The following ZNF597 variants were observed in gnomAD, a reference collection of about 807,000 sequenced individuals.
ZNF597 encodes the protein zinc finger protein 597.
In ZNF597, 5 loss-of-function variants were observed where a neutral mutation model predicts 7.3. The ratio of observed to expected loss-of-function variants is 0.68; its 90% CI spans 0.36 to 1.44. ZNF597 has a LOEUF of 1.44. ZNF597 is among the 40% of genes most tolerant of loss of function. The pLI is 0.04. For synonymous variants in ZNF597, 209 were observed against 185.4 expected, an observed-to-expected ratio of 1.13 and a Z score of -1.04; for missense variants, 585 against 517.9, an observed-to-expected ratio of 1.13 and a Z score of -1.26.
At chr16:3,441,556 C>G (rs2034370702) in intron 2 of ZNF597, among the ~76,000 whole-genome samples, 1 of 152,092 alleles carries the variant, frequency 6.6e-6, no homozygotes, top group Non-Finnish European at 1.5e-5. Flanking sequence ...TGTGGTGGCG[C>G]ATGCCTATAA....
rs569565335 is a variant in ZNF597, at chr16:3,435,626, T to A, written c.*798A>T. On this transcript the variant is annotated 3_prime_UTR_variant, in exon 4 of 4. Transcript: ENST00000301744. ...CATAATATATCTAAAGTAGCTAGCA[T>A]GCTCACTGAGAAACAATTACAATTA... 1 of 152,336 alleles carries A rather than the reference T, an allele frequency of 6.6e-6. No individual in the cohort carries two copies. The highest frequency in any genetic ancestry group is 2.1e-4 in the South Asian group (1 of 4,830). The allele number at this position is 152,336 out of a possible 1,614,324, so 9.4% of individuals were successfully genotyped here.
intron 3 of ZNF597, among the ~76,000 whole-genome samples, chr16:3,439,775 C>G (rs1292755867): frequency 6.6e-6 from 1 of 151,956 alleles, no homozygotes; most frequent in Non-Finnish European, 1.5e-5. Flanking sequence ...CCAAAATTTA[C>G]CCAGGAAGTA....
chr16:3,437,684 GA>G (rs780268308), intron 3 of ZNF597, 146 bp from the exon 4 acceptor site: 266 of 1,316,008 alleles, frequency 2.0e-4, no homozygotes, highest in Middle Eastern at 5.3e-4. Context: ...ACAAAATCAG[GA>G]CCAAGCAGAC....
Position 3,437,541 on chromosome 16 carries a change from G to A in ZNF597, c.161-3C>T. On this transcript the variant is annotated splice_polypyrimidine_tract_variant and splice_region_variant and intron_variant, in intron 3 of 3. Transcript: ENST00000301744. ...AATCTCAGGCTTGCCTTCCTCTCCT[G>A]TTGATAAAAACAAAAGAAAGCAAAA... is the stretch of plus-strand genomic sequence containing the variant. 12 of 1,580,794 alleles carry A rather than the reference G, an allele frequency of 7.6e-6. No individual in the cohort carries two copies. Among genetic ancestry groups the A allele is most frequent in the Non-Finnish European group, 1.0e-5 (12 of 1,167,722 alleles).
In ZNF597 at chr16:3,437,510, C is replaced by A; in HGVS notation, c.189G>T (p.Gln63His). ...MGEEGKPEIN[Q>H]QLSLESMELD... Reference sequence around the variant, plus strand: ...GTTCCATAGACTCTAGGCTTAACTGCTGATTAATCTCAGGCTTGCCTTCCT... The same window carrying A: ...GTTCCATAGACTCTAGGCTTAACTGATGATTAATCTCAGGCTTGCCTTCCT... The change falls in exon 4 of 4, where the codon CAG becomes CAT. Residue 63 changes from glutamine to histidine, a missense_variant. Gln to His is a conservative substitution (Grantham distance 24, BLOSUM62 0). Transcript: ENST00000301744. 6.2e-7 allele frequency: 1 copy of A among 1,601,476 alleles called. No homozygotes were observed. The highest frequency in any genetic ancestry group is 8.5e-7 in the Non-Finnish European group (1 of 1,175,578).
At chr16:3,439,912 C>T (rs374318465) in intron 3 of ZNF597, among the ~76,000 whole-genome samples, 1 of 152,042 alleles carries the variant, frequency 6.6e-6, no homozygotes, top group African/African-American at 2.4e-5. Flanking sequence ...AAATATACTC[C>T]ATACATTTAC....
intron 3 of ZNF597, among the ~76,000 whole-genome samples, chr16:3,438,468 CAGG>C (rs1490143152): frequency 2.0e-5 from 3 of 151,510 alleles, no homozygotes; most frequent in Admixed American, 1.3e-4. Flanking sequence ...GAGGCTGAGG[CAGG>C]AGAATGGCGT....
chr16:3,437,009 G>A lies in ZNF597; in HGVS notation c.690C>T (p.His230=). The A allele has an allele frequency of 6.2e-7, 1 of 1,614,196 alleles. No individual in the cohort carries two copies. The highest frequency in any genetic ancestry group is 8.5e-7 in the Non-Finnish European group (1 of 1,180,040). ...SFRQHSHLSR[H]MNSHVKEKPY... ...GCTTCTCCTTTACGTGGCTATTCATGTGTCGGGATAGATGAGAGTGCTGGC... is the reference window on the plus strand; with the variant it reads ...GCTTCTCCTTTACGTGGCTATTCATATGTCGGGATAGATGAGAGTGCTGGC... Residue 230 remains histidine (H), a synonymous_variant, in exon 4 of 4, where the codon CAC becomes CAT. Coordinates refer to ENST00000301744, the MANE Select transcript of ZNF597 (RefSeq NM_152457.3).
chr16:3,442,916 G>C (rs757628064), intron 2 of ZNF597, among the ~76,000 whole-genome samples: 2 of 152,150 alleles, frequency 1.3e-5, no homozygotes, highest in Non-Finnish European at 2.9e-5. Flanking sequence ...ACAGGTCCCT[G>C]CTCCCAGTTG....
In ZNF597 at chr16:3,440,857, G is replaced by A; in HGVS notation, c.110C>T (p.Ser37Phe). ...CTCTTTTGTACCATCTTTGCTGAGG[G>A]ACCTCTGGGCAGGGTGCAGAGTCAC... ...ECVTLHPAQR[S>F]LSKDGTKESL... Residue 37 changes from serine (S) to phenylalanine (F), a missense_variant, in exon 3 of 4, where the codon TCC becomes TTC. Ser to Phe is a radical substitution (Grantham distance 155). Coordinates refer to ENST00000301744, the MANE Select transcript of ZNF597 (RefSeq NM_152457.3). The A allele has an allele frequency of 6.2e-7, 1 of 1,614,062 alleles. No individual in the cohort carries two copies. Among genetic ancestry groups the A allele is most frequent in the East Asian group, 2.2e-5 (1 of 44,878 alleles).
rs11639510 is a variant in ZNF597 at position 3,435,490 on chromosome 16, T to C, written c.*934A>G. 0.47 allele frequency: 71,782 copies of C among 152,084 alleles called. 19,288 individuals are homozygous for C. Among genetic ancestry groups the C allele is most frequent in the East Asian group, 0.64 (3,324 of 5,176 alleles). 9.4% of individuals were successfully genotyped at this position (152,084 alleles called of 1,614,324 possible). On this transcript the variant is annotated 3_prime_UTR_variant, in exon 4 of 4. Transcript: ENST00000301744. Reference sequence around the variant, plus strand: ...AAGCTTAATGTCAGTTTCACCACAATGTGATTTGTGTGCTGGGCAAAGAAC... The same window carrying C: ...AAGCTTAATGTCAGTTTCACCACAACGTGATTTGTGTGCTGGGCAAAGAAC...
chr16:3,441,702 T>A (rs2034374660), intron 2 of ZNF597, among the ~76,000 whole-genome samples: 1 of 151,608 alleles, frequency 6.6e-6, no homozygotes, highest in Non-Finnish European at 1.5e-5. Flanking sequence ...GAGCTTGCAG[T>A]GAGCTGAGAT....
At position 3,436,619 on chromosome 16, in the gene ZNF597, C is replaced by G. The variant is rs763193831; in HGVS notation, c.1080G>C (p.Gln360His). Residue 360 changes from glutamine (Q) to histidine (H), a missense_variant, in exon 4 of 4, where the codon CAG becomes CAC. Coordinates refer to ENST00000301744, the MANE Select transcript of ZNF597 (RefSeq NM_152457.3). ...GGGGCCTTTCCTCTGTATGAATGTT[C>G]TGATGGGAAATAAGCTCAGAGAAAC... ...FPCFSELISH[Q>H]NIHTEERPHK... 7 of 1,605,564 alleles carry G rather than the reference C, an allele frequency of 4.4e-6. No homozygotes were observed. The highest frequency in any genetic ancestry group is 6.0e-6 in the Non-Finnish European group (7 of 1,175,368).
At chr16:3,443,059 AGG>A in intron 2 of ZNF597, 60 bp downstream of exon 2, 1 of 1,599,580 alleles carries the variant, frequency 6.3e-7, no homozygotes, top group Non-Finnish European at 8.6e-7. Flanking sequence ...CCTCCAAAGG[AGG>A]GGGTCAGGCA....
Position 3,436,698 on chromosome 16 carries a change from G to A in ZNF597, c.1001C>T (p.Ser334Leu), listed in dbSNP as rs1596266381. Residue 334 changes from serine to leucine, a missense_variant, in exon 4 of 4, where the codon TCA (serine) becomes TTA (leucine). Coordinates refer to ENST00000301744, the MANE Select transcript of ZNF597 (RefSeq NM_152457.3). ...CTGTAAGGGCTTGAATTTTGAGAATGAGAAGAAATTGTCCCCATCATCGCT... is the reference window on the plus strand; with the variant it reads ...CTGTAAGGGCTTGAATTTTGAGAATAAGAAGAAATTGTCCCCATCATCGCT... ...RCSDDGDNFFSFSKFKPLQCP... is the reference protein window; with the variant it reads ...RCSDDGDNFFLFSKFKPLQCP... 1.2e-6 allele frequency: 2 copies of A among 1,614,128 alleles called. No homozygotes were observed. Among genetic ancestry groups the A allele is most frequent in the South Asian group, 2.2e-5 (2 of 91,080 alleles).
intron 2 of ZNF597, among the ~76,000 whole-genome samples, chr16:3,442,094 C>T (rs1314890721): frequency 6.6e-6 from 1 of 152,158 alleles, no homozygotes; most frequent in Non-Finnish European, 1.5e-5. Flanking sequence ...TTCCTCTCGT[C>T]CCCATGACAC....
intron 2 of ZNF597, 25 bp downstream of exon 2, chr16:3,443,096 G>C: frequency 6.2e-7 from 1 of 1,614,118 alleles, no homozygotes; most frequent in Non-Finnish European, 8.5e-7. Context: ...CAATAAACTT[G>C]GACGAAAAAG....
Position 3,437,123 on chromosome 16 carries a change from G to C in ZNF597, c.576C>G (p.Ile192Met). Residue 192 changes from isoleucine to methionine, a missense_variant, in exon 4 of 4, where the codon ATC (isoleucine) becomes ATG (methionine). Transcript: ENST00000301744. ...KKHKCGDCGKIFNHRANLRTH... is the reference protein window; with the variant it reads ...KKHKCGDCGKMFNHRANLRTH... ...TCCTCAGGTTGGCTCTATGATTGAA[G>C]ATCTTTCCACAGTCACCACATTTAT... The C allele has an allele frequency of 6.2e-7, 1 of 1,614,148 alleles. No homozygotes were observed. The highest frequency in any genetic ancestry group is 8.5e-7 in the Non-Finnish European group (1 of 1,180,022).
intron 2 of ZNF597, 82 bp from the exon 3 acceptor site, chr16:3,441,015 A>C (rs1000516334): frequency 4.5e-5 from 69 of 1,544,726 alleles, no homozygotes; most frequent in Non-Finnish European, 5.7e-5. Context: ...AAAGAGCTAG[A>C]AACATCAGAT....
Sources: gnomAD v4.1 joint callset for allele counts (sites outside exome capture counted in the v4.1 genomes callset) on GRCh38, gnomAD v4.1.1 for gene constraint, MANE v1.5 for transcripts, NCBI Gene and HGNC (gene_info 2026-07-23, HGNC 2026-07-21) for gene names.